Variants in KCNH1 observed in about 807,000 individuals in gnomAD.
The protein encoded by KCNH1 is potassium voltage-gated channel subfamily H member 1.
In KCNH1, 27 loss-of-function variants were observed where a neutral mutation model predicts 69.2. The ratio of observed to expected loss-of-function variants is 0.39; its 90% confidence interval spans 0.29 to 0.54. KCNH1 has a LOEUF of 0.54. Ranked by LOEUF, KCNH1 falls within the 20% of genes least tolerant of loss-of-function variation. The pLI is 0.68. For synonymous variants in KCNH1, 456 were observed against 487.7 expected (o/e 0.93, Z 0.86); for missense variants, 798 against 1,261.6 (o/e 0.63, Z 5.57).
chr1:210,854,919 T>C (rs1428480893), intron 7 of KCNH1, among the ~76,000 whole-genome samples: 1 of 152,222 alleles, frequency 6.6e-6, no homozygotes. Context: ...TTGAGCATCA[T>C]GACAACCCCT....
At chr1:210,688,513 G>T (rs1681456077) in intron 10 of KCNH1, among the ~76,000 whole-genome samples, 1 of 152,256 alleles carries the variant, frequency 6.6e-6, no homozygotes, top group Non-Finnish European at 1.5e-5. Flanking sequence ...TGGTTTAATG[G>T]GGAGAGAGAA....
intron 5 of KCNH1, among the ~76,000 whole-genome samples, chr1:211,068,139 A>G (rs947964990): frequency 5.9e-5 from 9 of 152,362 alleles, no homozygotes; most frequent in Middle Eastern, 6.8e-3. Flanking sequence ...TGCTATTCTC[A>G]GTCCACCTGT....
intron 6 of KCNH1, among the ~76,000 whole-genome samples, chr1:210,965,485 G>C (rs1688381609): frequency 6.6e-6 from 1 of 151,930 alleles, no homozygotes; most frequent in Non-Finnish European, 1.5e-5. Context: ...AGTTTCATAT[G>C]GCACCAAAAA....
intron 8 of KCNH1, among the ~76,000 whole-genome samples, chr1:210,801,110 G>A (rs774256869): frequency 2.0e-5 from 3 of 152,220 alleles, no homozygotes; most frequent in Admixed American, 6.5e-5. Context: ...ATTTCAGGGA[G>A]GCTTTGAAGT....
chr1:210,909,929 A>G (rs910790189), intron 7 of KCNH1, among the ~76,000 whole-genome samples: 4 of 152,238 alleles, frequency 2.6e-5, no homozygotes, highest in African/African-American at 7.2e-5. Flanking sequence ...TCCTCCAAGT[A>G]AAAAATCAAG....
chr1:211,077,285 G>C (rs971911894), intron 5 of KCNH1, among the ~76,000 whole-genome samples: 1 of 151,712 alleles, frequency 6.6e-6, no homozygotes, highest in Non-Finnish European at 1.5e-5. Context: ...TCGGAACAGC[G>C]ACCCCAAGAT....
At chr1:210,737,945 CA>C (rs1409827901) in intron 10 of KCNH1, among the ~76,000 whole-genome samples, 1 of 152,228 alleles carries the variant, frequency 6.6e-6, no homozygotes, top group Non-Finnish European at 1.5e-5. Flanking sequence ...TAAAACAGAA[CA>C]TATCACTCCC....
intron 5 of KCNH1, among the ~76,000 whole-genome samples, chr1:211,047,765 A>G (rs1252571618): frequency 6.6e-6 from 1 of 152,200 alleles, no homozygotes; most frequent in African/African-American, 2.4e-5. Flanking sequence ...CAGGGTAAAA[A>G]CAGACAACCC....
At chr1:210,809,421 T>C (rs1420693324) in intron 7 of KCNH1, among the ~76,000 whole-genome samples, 2 of 152,024 alleles carry the variant, frequency 1.3e-5, no homozygotes, top group African/African-American at 4.8e-5. Context: ...AGCAGACACT[T>C]CAAGAGGGAG....
chr1:211,016,511 G>A (rs1689494061), intron 6 of KCNH1, among the ~76,000 whole-genome samples: 1 of 152,098 alleles, frequency 6.6e-6, no homozygotes, highest in Admixed American at 6.5e-5. Context: ...TTTAGATTCA[G>A]ATAATTTATT....
chr1:211,075,580 T>C (rs181998646), intron 5 of KCNH1, among the ~76,000 whole-genome samples: 166 of 152,218 alleles, frequency 1.1e-3, no homozygotes, highest in African/African-American at 3.9e-3. Flanking sequence ...CCCACCCAGG[T>C]GTAGTTGAAA....
At chr1:210,890,857 G>T (rs1197759294) in intron 7 of KCNH1, among the ~76,000 whole-genome samples, 2 of 152,190 alleles carry the variant, frequency 1.3e-5, no homozygotes, top group South Asian at 2.1e-4. Flanking sequence ...TCCCACAGCA[G>T]TTAGAATGAC....
At position 210,920,117 on chromosome 1, in the gene KCNH1, A is replaced by G. The variant is rs372395872; in HGVS notation, c.1033-48T>C. ...TCAGGGCCAAAGAACCAAAGATACT[A>G]CTCTCGTCCCCTCCGCCCCACTTGG... On this transcript the variant is annotated intron_variant, in intron 6 of 10. Transcript: ENST00000271751. The G allele has an allele frequency of 2.7e-5, 41 of 1,544,246 alleles. No homozygotes were observed. The African/African-American group carries it at 5.2e-4, about 20-fold the overall frequency.
chr1:210,761,362 CACT>C (rs1683517693), intron 10 of KCNH1, among the ~76,000 whole-genome samples: 1 of 147,558 alleles, frequency 6.8e-6, no homozygotes, highest in Non-Finnish European at 1.5e-5. Flanking sequence ...TAGCCAACAA[CACT>C]ACAACAGGAA....
chr1:211,014,900 AG>A (rs1324612230), intron 6 of KCNH1, among the ~76,000 whole-genome samples: 3 of 152,230 alleles, frequency 2.0e-5, no homozygotes, highest in African/African-American at 4.8e-5. Flanking sequence ...TATGGTGAAT[AG>A]GAAGCCACTA....
intron 9 of KCNH1, among the ~76,000 whole-genome samples, chr1:210,795,432 C>A (rs945513703): frequency 2.0e-5 from 3 of 152,102 alleles, no homozygotes; most frequent in African/African-American, 7.2e-5. Context: ...CAGGTATGAG[C>A]CACTGCACCC....
intron 7 of KCNH1, among the ~76,000 whole-genome samples, chr1:210,819,724 T>C (rs977711690): frequency 1.3e-5 from 2 of 152,208 alleles, no homozygotes; most frequent in Non-Finnish European, 2.9e-5. Flanking sequence ...CTGTTAATAG[T>C]GTTGTTGTTG....
At chr1:210,946,679 C>T (rs1216908130) in intron 6 of KCNH1, among the ~76,000 whole-genome samples, 1 of 152,176 alleles carries the variant, frequency 6.6e-6, no homozygotes, top group East Asian at 1.9e-4. Flanking sequence ...CCCTTGTGGC[C>T]TGGCCCCTGC....
At chr1:210,865,114 A>C (rs1214786026) in intron 7 of KCNH1, among the ~76,000 whole-genome samples, 2 of 152,224 alleles carry the variant, frequency 1.3e-5, no homozygotes, top group Non-Finnish European at 2.9e-5. Context: ...ATCAAAGGCA[A>C]ATTTTTAGAA....
Sources: gnomAD v4.1 joint callset for allele counts (sites outside exome capture counted in the v4.1 genomes callset) on GRCh38, gnomAD v4.1.1 for gene constraint, MANE v1.5 for transcripts, NCBI Gene and HGNC (gene_info 2026-07-23, HGNC 2026-07-21) for gene names.